Variants in PRKCE observed in about 807,000 individuals in gnomAD.
PRKCE encodes the protein protein kinase C epsilon, also known as protein kinase C epsilon type.
In PRKCE, 16 loss-of-function variants were observed where a neutral mutation model predicts 85.4. The ratio of observed to expected loss-of-function variants is 0.19; its 90% CI spans 0.13 to 0.28. The LOEUF (loss-of-function observed/expected upper bound fraction) is 0.28, where lower values mean the gene tolerates loss of function less well. Ranked by LOEUF, PRKCE falls within the 10% of genes least tolerant of loss-of-function variation. The pLI is 1.00. For missense variants in PRKCE, 573 were observed against 975.2 expected (o/e 0.59, Z 5.49); for synonymous variants, 388 against 371.5 (o/e 1.04, Z -0.51).
intron 2 of PRKCE, among the ~76,000 whole-genome samples, chr2:45,901,013 C>T (rs533358798): frequency 3.9e-4 from 59 of 152,278 alleles, no homozygotes; most frequent in Non-Finnish European, 7.5e-4. Flanking sequence ...AACCATGCCT[C>T]ACATATGTGG....
intron 2 of PRKCE, among the ~76,000 whole-genome samples, chr2:45,903,554 G>T (rs891495877): frequency 2.6e-5 from 4 of 152,046 alleles, no homozygotes; most frequent in Non-Finnish European, 5.9e-5. Context: ...ATAATATTTT[G>T]GTATAACTAT....
rs1382482360 is a variant in PRKCE at position 45,652,662 on chromosome 2, C to T, written c.348+214C>T. ...TGAGACTTGGAAAGAGGATGTGGCCCTCTGCTCCCTCTGTGCCCTCCAGTT... is the reference window on the plus strand; with the variant it reads ...TGAGACTTGGAAAGAGGATGTGGCCTTCTGCTCCCTCTGTGCCCTCCAGTT... On this transcript the variant is annotated intron_variant, in intron 1 of 14. Coordinates refer to ENST00000306156, the MANE Select transcript of PRKCE (RefSeq NM_005400.3). This position sits in a 1 kb window ranked among gnomAD's most constrained non-coding sequence, Gnocchi z 7.7. Among the ~76,000 whole-genome samples the T allele has an allele frequency of 6.6e-6, 1 of 152,178 alleles. No homozygotes were observed. Among genetic ancestry groups the T allele is most frequent in the Non-Finnish European group, 1.5e-5 (1 of 68,044 alleles).
rs994222366 is a variant in PRKCE at position 46,187,178 on chromosome 2, C to A, written c.*2297C>A. 1 of 152,656 alleles carries A rather than the reference C, an allele frequency of 6.6e-6. No individual in the cohort carries two copies. The allele number at this position is 152,656 out of a possible 1,614,324, so 9.5% of individuals were successfully genotyped here. ...TTTGGACAACCAAGCAAGCTCTAAC[C>A]GCAATGCCAGATGGCCTTGTCCGAG... On this transcript the variant is annotated 3_prime_UTR_variant, in exon 15 of 15. Coordinates refer to ENST00000306156, the MANE Select transcript of PRKCE (RefSeq NM_005400.3).
chr2:45,841,321 G>A (rs1691331403), intron 1 of PRKCE, among the ~76,000 whole-genome samples: 1 of 152,208 alleles, frequency 6.6e-6, no homozygotes, highest in African/African-American at 2.4e-5. Context: ...CTGAAAAGTA[G>A]GAAAGCCGAC....
intron 2 of PRKCE, among the ~76,000 whole-genome samples, chr2:45,856,456 C>A: frequency 6.6e-6 from 1 of 152,180 alleles, no homozygotes; most frequent in East Asian, 1.9e-4. Flanking sequence ...GTCTCGAACT[C>A]CTGACCTCAA....
chr2:46,169,884 A>T (rs1376988032), intron 14 of PRKCE, among the ~76,000 whole-genome samples: 1 of 152,186 alleles, frequency 6.6e-6, no homozygotes, highest in Non-Finnish European at 1.5e-5. Context: ...CAGTGAGCTA[A>T]GGGGAAGTGT....
At chr2:46,047,135 G>A (rs1394625241) in intron 10 of PRKCE, among the ~76,000 whole-genome samples, 2 of 152,178 alleles carry the variant, frequency 1.3e-5, no homozygotes, top group African/African-American at 2.4e-5. Context: ...AGCCTTCCTG[G>A]CCATTTTTAT....
At chr2:45,716,974 A>G (rs1002810917) in intron 1 of PRKCE, among the ~76,000 whole-genome samples, 2 of 152,206 alleles carry the variant, frequency 1.3e-5, no homozygotes, top group African/African-American at 4.8e-5. Flanking sequence ...GCATGGGGGA[A>G]CTGCTCCCAT....
chr2:46,147,994 C>T (rs1359279519), intron 12 of PRKCE, among the ~76,000 whole-genome samples: 3 of 152,234 alleles, frequency 2.0e-5, no homozygotes, highest in Non-Finnish European at 4.4e-5. Context: ...CATGGAAATG[C>T]TTGAGAAAGC....
At chr2:45,980,195 G>C in intron 4 of PRKCE, 101 bp from the exon 5 acceptor site, 1 of 1,083,554 alleles carries the variant, frequency 9.2e-7, no homozygotes, top group South Asian at 1.4e-5. Flanking sequence ...GGCAGAAGGG[G>C]CCTGGCTCCC....
chr2:45,938,016 G>A (rs759075866), intron 2 of PRKCE, among the ~76,000 whole-genome samples: 2 of 152,174 alleles, frequency 1.3e-5, no homozygotes, highest in South Asian at 4.1e-4. Context: ...TTTACGTTAC[G>A]CACCACTAAT....
Position 45,652,195 on chromosome 2 carries a change from G to A in PRKCE, c.95G>A (p.Arg32Gln). ...TCGCTGCGCCATGCGGTGGGACCCCGGCCGCAGACTTTCCTTCTCGACCCC... is the reference window on the plus strand; with the variant it reads ...TCGCTGCGCCATGCGGTGGGACCCCAGCCGCAGACTTTCCTTCTCGACCCC... The part of the protein sequence containing the change: ...AWSLRHAVGP[R>Q]PQTFLLDPYI... The change falls in exon 1 of 15, where the codon CGG (arginine) becomes CAG (glutamine). Residue 32 changes from arginine (R) to glutamine (Q), a missense_variant. By Grantham distance (43) the Arg-to-Gln change is conservative. Coordinates refer to ENST00000306156, the MANE Select transcript of PRKCE (RefSeq NM_005400.3). This position sits in a 1 kb window ranked among gnomAD's most constrained non-coding sequence, Gnocchi z 7.7. The A allele has an allele frequency of 6.2e-7, 1 of 1,612,950 alleles. No individual in the cohort carries two copies. The highest frequency in any genetic ancestry group is 8.5e-7 in the Non-Finnish European group (1 of 1,179,656).
chr2:45,838,514 C>T (rs571745889), intron 1 of PRKCE, among the ~76,000 whole-genome samples: 6 of 152,332 alleles, frequency 3.9e-5, no homozygotes, highest in South Asian at 4.1e-4. Context: ...CACGTCCTCC[C>T]GATGCCCCCG....
chr2:45,921,967 A>G (rs1177422263), intron 2 of PRKCE, among the ~76,000 whole-genome samples: 1 of 152,198 alleles, frequency 6.6e-6, no homozygotes, highest in Non-Finnish European at 1.5e-5. Flanking sequence ...ATGTTCCCTC[A>G]TATAGGGAAA....
At chr2:45,964,747 T>A (rs1701620246) in intron 2 of PRKCE, among the ~76,000 whole-genome samples, 2 of 152,236 alleles carry the variant, frequency 1.3e-5, no homozygotes, top group African/African-American at 2.4e-5. Flanking sequence ...TCAGAAACCA[T>A]GGGGCAGTGA....
intron 2 of PRKCE, among the ~76,000 whole-genome samples, chr2:45,963,569 G>A (rs574794952): frequency 5.3e-5 from 8 of 152,248 alleles, no homozygotes; most frequent in South Asian, 2.1e-4. Context: ...TTGGCCTTCC[G>A]AAGTACTGAG....
intron 10 of PRKCE, among the ~76,000 whole-genome samples, chr2:46,061,540 T>C (rs1004457686): frequency 6.6e-6 from 1 of 152,216 alleles, no homozygotes; most frequent in Non-Finnish European, 1.5e-5. Context: ...GAGCAGTCAT[T>C]TCTGGCTATT....
At position 45,981,016 on chromosome 2, in the gene PRKCE, C is replaced by A. The variant is rs925329595; in HGVS notation, c.693+635C>A. On this transcript the variant is annotated intron_variant, in intron 5 of 14. Coordinates refer to ENST00000306156, the MANE Select transcript of PRKCE (RefSeq NM_005400.3). ...ACACAGCTAAGAGCCACTTTCAAACCCAGGCAGTTTGTTCTAAAGCCTGAG... is the reference window on the plus strand; with the variant it reads ...ACACAGCTAAGAGCCACTTTCAAACACAGGCAGTTTGTTCTAAAGCCTGAG... 5.9e-5 allele frequency among the ~76,000 whole-genome samples: 9 copies of A among 152,190 alleles called. No homozygotes were observed. In the South Asian group the frequency reaches 6.2e-4, roughly 10 times the overall value.
At chr2:46,171,831 G>C (rs145735142) in intron 14 of PRKCE, among the ~76,000 whole-genome samples, 1 of 152,294 alleles carries the variant, frequency 6.6e-6, no homozygotes, top group East Asian at 1.9e-4. Flanking sequence ...AGGCAGATGC[G>C]CATGTGGAGC....
Sources: allele counts gnomAD v4.1 joint callset (sites outside exome capture counted in the v4.1 genomes callset), GRCh38; gene constraint gnomAD v4.1.1; non-coding constraint Gnocchi (gnomAD v3.1); transcripts MANE v1.5; gene names NCBI Gene and HGNC (gene_info 2026-07-23, HGNC 2026-07-21).